Variants in WRN observed in about 807,000 individuals in gnomAD.
The protein encoded by WRN is bifunctional 3'-5' exonuclease/ATP-dependent helicase WRN.
Under a neutral mutation model 180.7 loss-of-function variants are expected in WRN, and 149 were observed. That is an observed-to-expected ratio of 0.82 (90% confidence interval 0.72 to 0.94). The LOEUF (loss-of-function observed/expected upper bound fraction) is 0.94. WRN is among the 40% of genes least tolerant of loss of function. The pLI, the probability that WRN is intolerant of heterozygous loss-of-function variation, is 0.00. For synonymous variants in WRN, 548 were observed against 568.9 expected (o/e 0.96, Z 0.52); for missense variants, 1,661 against 1,700.1 (o/e 0.98, Z 0.40).
intron 33 of WRN, among the ~76,000 whole-genome samples, chr8:31,159,816 G>A (rs1437948687): frequency 1.3e-5 from 2 of 151,912 alleles, no homozygotes; most frequent in Non-Finnish European, 2.9e-5. Context: ...GTGGTGGCAT[G>A]CGCCTGTAAT....
intron 3 of WRN, 142 bp from the exon 4 acceptor site, chr8:31,064,147 C>T (rs1421337648): frequency 1.2e-6 from 1 of 811,494 alleles, no homozygotes; most frequent in East Asian, 2.8e-5. Context: ...TACATATTTT[C>T]TGGCTGTTCA....
intron 32 of WRN, among the ~76,000 whole-genome samples, 172 bp downstream of exon 32, chr8:31,154,927 C>T (rs1380334067): frequency 6.6e-6 from 1 of 152,040 alleles, no homozygotes; most frequent in African/African-American, 2.4e-5. Flanking sequence ...TCTGTTAAGC[C>T]TCCCTGTTAA....
chr8:31,074,214 C>T (rs865804118), intron 7 of WRN, among the ~76,000 whole-genome samples: 7 of 152,058 alleles, frequency 4.6e-5, no homozygotes, highest in Admixed American at 2.6e-4. Flanking sequence ...TGTGAGCCAC[C>T]GCGCCCGGCC....
chr8:31,143,052 C>CACAT (rs1802713121), intron 27 of WRN, among the ~76,000 whole-genome samples: 7 of 65,366 alleles, frequency 1.1e-4, no homozygotes, highest in East Asian at 5.8e-4. Flanking sequence ...CACACACACA[C>CACAT]ACATTCTCTC....
rs571962311 is a variant in WRN at position 31,090,510 on chromosome 8, T to C, written c.1698T>C (p.Asp566=). The change falls in exon 14 of 35, where the codon GAT becomes GAC. Residue 566 remains aspartate (D), a synonymous_variant. Transcript: ENST00000298139. ...ATTCAGTATTAGAAGAAAGAAGAGATAATGTTGCTGTCATGGCAACTGGTA... is the reference window on the plus strand; with the variant it reads ...ATTCAGTATTAGAAGAAAGAAGAGACAATGTTGCTGTCATGGCAACTGGTA... The part of the protein sequence containing the change: ...VIHSVLEERR[D]NVAVMATGYG... 1.9e-6 allele frequency: 3 copies of C among 1,612,314 alleles called. No homozygotes were observed. The highest frequency in any genetic ancestry group is 2.7e-5 in the African/African-American group (2 of 74,968).
chr8:31,055,972 A>C (rs974253656), intron 1 of WRN, among the ~76,000 whole-genome samples: 5 of 152,194 alleles, frequency 3.3e-5, no homozygotes, highest in Admixed American at 1.3e-4. Flanking sequence ...GATACAAGTA[A>C]ATTTGACAAA....
intron 17 of WRN, among the ~76,000 whole-genome samples, chr8:31,098,579 T>A (rs1814085480): frequency 6.6e-6 from 1 of 152,238 alleles, no homozygotes; most frequent in African/African-American, 2.4e-5. Context: ...TTGAAATATT[T>A]TCCTTTGCCT....
At chr8:31,088,509 T>A (rs890001979) in intron 12 of WRN, among the ~76,000 whole-genome samples, 1 of 152,184 alleles carries the variant, frequency 6.6e-6, no homozygotes, top group Non-Finnish European at 1.5e-5. Context: ...TCTGTGGATT[T>A]TTTTAGTGCG....
chr8:31,110,081 A>G (rs932972089), intron 18 of WRN, among the ~76,000 whole-genome samples: 1 of 149,578 alleles, frequency 6.7e-6, no homozygotes. Flanking sequence ...TATATAAATT[A>G]TTTAACCAAA....
chr8:31,118,285 C>G (rs1161423011), intron 20 of WRN, among the ~76,000 whole-genome samples: 12 of 152,010 alleles, frequency 7.9e-5, no homozygotes, highest in Non-Finnish European at 7.4e-5. Context: ...GGCAGGATGT[C>G]ACAAATTTTT....
chr8:31,172,700 G>A (rs1211441889), intron 34 of WRN, among the ~76,000 whole-genome samples: 1 of 152,062 alleles, frequency 6.6e-6, no homozygotes, highest in Non-Finnish European at 1.5e-5. Flanking sequence ...GTACACCATG[G>A]GACACAGATC....
chr8:31,040,757 G>A (rs113655530), intron 1 of WRN, among the ~76,000 whole-genome samples: 4,323 of 152,254 alleles, frequency 0.028, 97 homozygotes, highest in Non-Finnish European at 0.044. Flanking sequence ...TATTATAGAT[G>A]ACTCGTTTGA....
rs751590895 is a variant in WRN, at chr8:31,173,192, G to T, written c.*90G>T. 5.3e-5 allele frequency: 68 copies of T among 1,273,902 alleles called. No homozygotes were observed. Among genetic ancestry groups the T allele is most frequent in the Middle Eastern group, 3.7e-4 (2 of 5,420 alleles). The allele number at this position is 1,273,902 out of a possible 1,614,324, so 78.9% of individuals were successfully genotyped here. On this transcript the variant is annotated 3_prime_UTR_variant, in exon 35 of 35. Transcript: ENST00000298139. ...CTGAAGAGTAAGGAGTAGTATTTTG[G>T]CTTAAAAATCATTCTAATTACAAAG...
At chr8:31,125,490 G>A (rs1801882601) in intron 23 of WRN, among the ~76,000 whole-genome samples, 1 of 136,926 alleles carries the variant, frequency 7.3e-6, no homozygotes, top group Non-Finnish European at 1.5e-5. Context: ...TTTCACCAAT[G>A]TATCAGTCAG....
intron 1 of WRN, among the ~76,000 whole-genome samples, chr8:31,052,396 AATTTTTTTTTT>A (rs1203034973): frequency 4.6e-5 from 7 of 152,128 alleles, no homozygotes; most frequent in Admixed American, 2.0e-4. Flanking sequence ...ATTAGAGTCT[AATTTTTTTTTT>A]GAGACAGTCT....
chr8:31,145,263 A>G (rs932262183), intron 28 of WRN, among the ~76,000 whole-genome samples: 6 of 152,226 alleles, frequency 3.9e-5, no homozygotes, highest in Non-Finnish European at 5.9e-5. Flanking sequence ...CAAAGCTTCA[A>G]AGGACAAGCT....
chr8:31,160,682 T>G (rs1446638483), intron 33 of WRN, among the ~76,000 whole-genome samples: 1 of 152,122 alleles, frequency 6.6e-6, no homozygotes, highest in Non-Finnish European at 1.5e-5. Context: ...ATAGGCAATA[T>G]TCTCTGAAAT....
chr8:31,082,690 C>A (rs11574226), intron 9 of WRN, among the ~76,000 whole-genome samples: 1 of 151,856 alleles, frequency 6.6e-6, no homozygotes, highest in Non-Finnish European at 1.5e-5. Context: ...TCTGCCTCCC[C>A]GGTTCAAGTG....
rs748707126 is a variant in WRN, at chr8:31,076,237, T to C, written c.789T>C (p.Asp263=). 9.9e-6 allele frequency: 16 copies of C among 1,613,878 alleles called. No individual in the cohort carries two copies. The South Asian group carries it at 1.8e-4, about 18-fold the overall frequency. ...QLTSISEEVM[D]LAKHLPHAFS... ...CTTCAATCTCTGAGGAAGTGATGGA[T>C]CTGGCTAAGCATCTTCCTCATGCTT... Residue 263 remains aspartate (D), a synonymous_variant, in exon 8 of 35, where the codon GAT becomes GAC. Transcript: ENST00000298139.
Sources: allele counts gnomAD v4.1 joint callset (sites outside exome capture counted in the v4.1 genomes callset), GRCh38; gene constraint gnomAD v4.1.1; transcripts MANE v1.5; gene names NCBI Gene and HGNC (gene_info 2026-07-23, HGNC 2026-07-21).